DLGAP2: variants seen among roughly 807,000 people sequenced by gnomAD.
DLGAP2 encodes disks large-associated protein 2.
Under a neutral mutation model 100.3 loss-of-function variants are expected in DLGAP2, and 26 were observed. That is an observed-to-expected ratio of 0.26 (90% CI 0.19 to 0.36). The LOEUF is 0.36. DLGAP2 is among the 10% of genes least tolerant of loss of function. The probability of loss-of-function intolerance (pLI) is 1.00; values close to 1 mark genes in which losing one functional copy is unlikely to be tolerated. For synonymous variants in DLGAP2, 886 were observed against 630.1 expected (o/e 1.41, Z -6.08); for missense variants, 1,858 against 1,453.2 (o/e 1.28, Z -4.53).
At chr8:1,440,327 G>C (rs567489705) in intron 3 of DLGAP2, among the ~76,000 whole-genome samples, 4 of 152,178 alleles carry the variant, frequency 2.6e-5, no homozygotes, top group Admixed American at 2.6e-4. Context: ...ATGGACTCAC[G>C]TGGGAAATGG....
At chr8:1,245,508 A>C (rs1415088549) in intron 2 of DLGAP2, among the ~76,000 whole-genome samples, 1 of 152,222 alleles carries the variant, frequency 6.6e-6, no homozygotes, top group African/African-American at 2.4e-5. Context: ...CACAGATAGG[A>C]TTCCATTTAT....
chr8:1,701,410 C>T lies in DLGAP2; in HGVS notation c.*4C>T. The T allele has an allele frequency of 1.9e-6, 3 of 1,577,764 alleles. No individual in the cohort carries two copies. The highest frequency in any genetic ancestry group is 1.2e-5 in the South Asian group (1 of 86,588). On this transcript the variant is annotated 3_prime_UTR_variant, in exon 15 of 15. Transcript: ENST00000637795. The stretch of plus-strand genomic sequence containing the variant: ...CGAGGCCCAGACCCGGCTCTGAGGG[C>T]GGAGGCCGGCGCCTTCCCCTCGTCG...
At chr8:1,168,998 G>GT (rs1259655748) in intron 2 of DLGAP2, among the ~76,000 whole-genome samples, 8 of 148,696 alleles carry the variant, frequency 5.4e-5, no homozygotes, top group Non-Finnish European at 8.9e-5. Flanking sequence ...TTTCTTCTAG[G>GT]TTTTTTATGG....
chr8:919,111 G>A (rs533896145), intron 2 of DLGAP2, among the ~76,000 whole-genome samples: 1 of 152,270 alleles, frequency 6.6e-6, no homozygotes, highest in South Asian at 2.1e-4. Flanking sequence ...TGGCCAAAAA[G>A]CTTTGCTCTA....
intron 2 of DLGAP2, among the ~76,000 whole-genome samples, chr8:1,233,986 G>T (rs537421483): frequency 5.9e-5 from 9 of 152,310 alleles, no homozygotes; most frequent in South Asian, 2.1e-4. Context: ...GGCCTGCACT[G>T]GGAGGGCTTC....
chr8:864,641 A>G (rs1193410448), intron 1 of DLGAP2, among the ~76,000 whole-genome samples: 2 of 152,142 alleles, frequency 1.3e-5, no homozygotes, highest in Non-Finnish European at 2.9e-5. Flanking sequence ...GAGGAGCTAC[A>G]AGCATAGGAT....
chr8:1,088,473 C>G (rs570059879), intron 2 of DLGAP2, among the ~76,000 whole-genome samples: 1 of 152,256 alleles, frequency 6.6e-6, no homozygotes, highest in Non-Finnish European at 1.5e-5. Flanking sequence ...CAGAAAACAG[C>G]TGAATTTTAG....
At chr8:1,002,742 C>A (rs1458448566) in intron 2 of DLGAP2, 3 of 152,300 alleles carry the variant, frequency 2.0e-5, no homozygotes, top group Non-Finnish European at 2.9e-5. Flanking sequence ...TGGATGATAC[C>A]AGGGGCGCAC....
chr8:1,420,426 T>C (rs1246480400), intron 3 of DLGAP2, among the ~76,000 whole-genome samples: 3 of 152,218 alleles, frequency 2.0e-5, no homozygotes, highest in Non-Finnish European at 2.9e-5. Context: ...TCTTCCACTC[T>C]ACGCTGGTGT....
chr8:1,057,295 T>G (rs1219579402), intron 2 of DLGAP2, among the ~76,000 whole-genome samples: 3 of 152,218 alleles, frequency 2.0e-5, no homozygotes, highest in African/African-American at 4.8e-5. Context: ...TACATTGAAG[T>G]TAGCCATCTG....
At chr8:1,063,991 T>C (rs1803168296) in intron 2 of DLGAP2, among the ~76,000 whole-genome samples, 1 of 152,180 alleles carries the variant, frequency 6.6e-6, no homozygotes, top group Non-Finnish European at 1.5e-5. Context: ...CATTCATACA[T>C]TTATACGCAG....
At chr8:875,788 T>A (rs2128992407) in intron 1 of DLGAP2, among the ~76,000 whole-genome samples, 1 of 152,336 alleles carries the variant, frequency 6.6e-6, no homozygotes, top group African/African-American at 2.4e-5. Flanking sequence ...TTTCACTATA[T>A]TTTTGAGTCA....
chr8:986,446 C>T (rs1800489865), intron 2 of DLGAP2, among the ~76,000 whole-genome samples: 1 of 152,050 alleles, frequency 6.6e-6, no homozygotes, highest in Admixed American at 6.5e-5. Flanking sequence ...TAGTATCTTA[C>T]TTTATGTGGT....
chr8:1,127,667 C>A (rs1190016116), intron 2 of DLGAP2, among the ~76,000 whole-genome samples: 1 of 152,204 alleles, frequency 6.6e-6, no homozygotes, highest in African/African-American at 2.4e-5. Context: ...CTGTGCAGAA[C>A]CCTGGAGGGG....
rs62487360 is a variant in DLGAP2 at position 1,350,948 on chromosome 8, G to C, written c.106+92065G>C. Among the ~76,000 whole-genome samples, 203 of 40,294 alleles carry C rather than the reference G, an allele frequency of 5.0e-3. 1 individual carries two copies. Among genetic ancestry groups the C allele is most frequent in the African/African-American group, 9.3e-3 (116 of 12,482 alleles). 26.4% of individuals were successfully genotyped at this position (40,294 alleles called of 152,430 possible). A position where few individuals can be genotyped will look rare whatever the true frequency, so the allele number is the denominator to read the frequency against. On this transcript the variant is annotated intron_variant, in intron 3 of 14. Coordinates refer to ENST00000637795, the MANE Select transcript of DLGAP2 (RefSeq NM_001346810.2). ...TGTGGAAAGGCCGTGCGGGTCCTGA[G>C]TGTGTGTGGAAAGGCCGTGCGGGTC... is the stretch of plus-strand genomic sequence containing the variant.
intron 6 of DLGAP2, among the ~76,000 whole-genome samples, chr8:1,576,606 A>C (rs1215569998): frequency 2.0e-5 from 3 of 152,178 alleles, no homozygotes; most frequent in Non-Finnish European, 2.9e-5. Flanking sequence ...TTTTAGGTCT[A>C]ACATGTAAGT....
intron 2 of DLGAP2, among the ~76,000 whole-genome samples, chr8:1,143,440 T>C (rs763049018): frequency 3.3e-5 from 5 of 152,210 alleles, no homozygotes; most frequent in African/African-American, 9.6e-5. Context: ...ACGGTTTCTT[T>C]CCAAAAAGCT....
chr8:1,110,242 C>T (rs1239768348), intron 2 of DLGAP2, among the ~76,000 whole-genome samples: 17 of 128,372 alleles, frequency 1.3e-4, no homozygotes, highest in Non-Finnish European at 2.4e-4. Flanking sequence ...TGTGCTGGAT[C>T]TGTGAGGTGT....
At chr8:1,492,359 T>G (rs1799412631) in intron 3 of DLGAP2, among the ~76,000 whole-genome samples, 1 of 152,144 alleles carries the variant, frequency 6.6e-6, no homozygotes, top group African/African-American at 2.4e-5. Flanking sequence ...ATCCTGTCAT[T>G]AGGGAAGCGG....
Sources: gnomAD v4.1 joint callset for allele counts (sites outside exome capture counted in the v4.1 genomes callset) on GRCh38, gnomAD v4.1.1 for gene constraint, MANE v1.5 for transcripts, NCBI Gene and HGNC (gene_info 2026-07-23, HGNC 2026-07-21) for gene names.